PIK3C2G: variants seen among roughly 807,000 people sequenced by gnomAD.
PIK3C2G encodes phosphatidylinositol 3-kinase C2 domain-containing subunit gamma.
A neutral mutation model predicts 181.1 loss-of-function variants in PIK3C2G; 168 were observed. That is an observed-to-expected ratio of 0.93 (90% CI 0.82 to 1.05). The LOEUF (loss-of-function observed/expected upper bound fraction) is 1.05. PIK3C2G is among the 50% of genes least tolerant of loss of function. The probability of loss-of-function intolerance (pLI) is 0.00; values close to 1 mark genes in which losing one functional copy is unlikely to be tolerated. For synonymous variants in PIK3C2G, 573 were observed against 592.2 expected (o/e 0.97, Z 0.47); for missense variants, 1,869 against 1,732.8 (o/e 1.08, Z -1.40).
At chr12:18,380,117 T>A (rs1190240671) in intron 13 of PIK3C2G, among the ~76,000 whole-genome samples, 2 of 152,154 alleles carry the variant, frequency 1.3e-5, no homozygotes, top group Non-Finnish European at 1.5e-5. Flanking sequence ...ACATTATGTT[T>A]TGCTCACTGA....
At chr12:18,499,816 G>C (rs896353020) in intron 22 of PIK3C2G, among the ~76,000 whole-genome samples, 1 of 152,234 alleles carries the variant, frequency 6.6e-6, no homozygotes, top group African/African-American at 2.4e-5. Context: ...GCTACTTAAA[G>C]TGTGAACCAC....
At chr12:18,529,084 T>C (rs902146663) in intron 24 of PIK3C2G, among the ~76,000 whole-genome samples, 1 of 145,122 alleles carries the variant, frequency 6.9e-6, no homozygotes, top group African/African-American at 2.8e-5. Flanking sequence ...CATTTCTCGA[T>C]AATCCCAACA....
chr12:18,390,800 T>C (rs1276204080), intron 14 of PIK3C2G, among the ~76,000 whole-genome samples: 7 of 152,116 alleles, frequency 4.6e-5, no homozygotes, highest in Non-Finnish European at 1.0e-4. Flanking sequence ...AAGGATATAA[T>C]GTTAGCATTA....
chr12:18,284,572 T>C (rs1949362229), intron 2 of PIK3C2G, among the ~76,000 whole-genome samples: 1 of 152,124 alleles, frequency 6.6e-6, no homozygotes, highest in African/African-American at 2.4e-5. Flanking sequence ...AATTAACAGA[T>C]GGGAACTTTA....
At chr12:18,615,624 C>CT (rs915825778) in intron 31 of PIK3C2G, among the ~76,000 whole-genome samples, 23 of 151,924 alleles carry the variant, frequency 1.5e-4, no homozygotes, top group African/African-American at 5.3e-4. Flanking sequence ...GGTAGCTCTA[C>CT]TTTTTTTCTA....
chr12:18,270,790 T>A (rs1948715023), intron 1 of PIK3C2G, among the ~76,000 whole-genome samples: 1 of 152,124 alleles, frequency 6.6e-6, no homozygotes, highest in Non-Finnish European at 1.5e-5. Context: ...ACATACCAAC[T>A]CCTTCTATTA....
intron 22 of PIK3C2G, among the ~76,000 whole-genome samples, chr12:18,502,449 C>A (rs928495841): frequency 5.3e-5 from 8 of 152,310 alleles, no homozygotes; most frequent in Admixed American, 3.9e-4. Flanking sequence ...CTATGGAAAT[C>A]AGAAACTCTA....
chr12:18,702,963 G>A, the PIK3C2G span, among the ~76,000 whole-genome samples: 1 of 151,752 alleles, frequency 6.6e-6, no homozygotes, highest in African/African-American at 2.4e-5. Flanking sequence ...TGGGATTACA[G>A]GGTAACTTTA....
intron 24 of PIK3C2G, among the ~76,000 whole-genome samples, chr12:18,509,983 T>A (rs1321612170): frequency 6.6e-6 from 1 of 152,108 alleles, no homozygotes; most frequent in Non-Finnish European, 1.5e-5. Context: ...ATCTTCTTTT[T>A]TGGGGGACAT....
At chr12:18,322,883 T>TAA (rs1951172286) in intron 7 of PIK3C2G, among the ~76,000 whole-genome samples, 1 of 152,202 alleles carries the variant, frequency 6.6e-6, no homozygotes, top group Admixed American at 6.5e-5. Flanking sequence ...AAACAAGGTC[T>TAA]GTAGTTTCCT....
At chr12:18,639,244 A>C (rs1371659439) in intron 31 of PIK3C2G, among the ~76,000 whole-genome samples, 1 of 152,142 alleles carries the variant, frequency 6.6e-6, no homozygotes, top group Non-Finnish European at 1.5e-5. Flanking sequence ...AATAAAATTT[A>C]GTCCTATAAT....
chr12:18,408,328 C>T (rs1944656555), intron 16 of PIK3C2G, among the ~76,000 whole-genome samples: 1 of 152,088 alleles, frequency 6.6e-6, no homozygotes, highest in Non-Finnish European at 1.5e-5. Context: ...GGAATCCTTT[C>T]CCATTGCTTG....
chr12:18,394,253 G>A (rs1943722408), intron 15 of PIK3C2G, among the ~76,000 whole-genome samples: 1 of 151,984 alleles, frequency 6.6e-6, no homozygotes, highest in Admixed American at 6.6e-5. Context: ...ATAAAAACCA[G>A]TCTCAAAAAA....
chr12:18,436,213 T>C (rs1176849705), intron 18 of PIK3C2G, among the ~76,000 whole-genome samples: 1 of 152,064 alleles, frequency 6.6e-6, no homozygotes, highest in African/African-American at 2.4e-5. Flanking sequence ...CTCACATCCA[T>C]ACATGATTCC....
In PIK3C2G at chr12:18,551,007, A is replaced by C. The variant is rs551107535; in HGVS notation, c.3590+4575A>C. 7.2e-5 allele frequency among the ~76,000 whole-genome samples: 11 copies of C among 152,262 alleles called. No individual in the cohort carries two copies. The South Asian group carries it at 2.3e-3, about 32-fold the overall frequency. ...CCTCACTCTTGGACATATCCATTCT[A>C]GGTCAAGAGCTGATCCTAAGAGTTT... On this transcript the variant is annotated intron_variant, in intron 26 of 32. Transcript: ENST00000538779.
intron 14 of PIK3C2G, among the ~76,000 whole-genome samples, chr12:18,383,775 G>A (rs942639630): frequency 3.3e-5 from 5 of 151,470 alleles, no homozygotes; most frequent in Non-Finnish European, 5.9e-5. Context: ...CAGGAAGATC[G>A]GATATGTGAA....
In PIK3C2G at chr12:18,569,026, C is replaced by T. The variant is rs77423610; in HGVS notation, c.4011+1969C>T. Among the ~76,000 whole-genome samples the T allele has an allele frequency of 5.6e-3, 845 of 152,194 alleles. 3 individuals are homozygous for T. The highest frequency in any genetic ancestry group is 0.02 in the African/African-American group (821 of 41,516). On this transcript the variant is annotated intron_variant, in intron 29 of 32. Transcript: ENST00000538779. ...ATGTCTGAAAATGCTTTGCCACCCT[C>T]CCATCAAGAGGAGGCAGCTTGTGTC...
At chr12:18,420,458 T>A (rs1421804427) in intron 16 of PIK3C2G, among the ~76,000 whole-genome samples, 1 of 152,166 alleles carries the variant, frequency 6.6e-6, no homozygotes, top group East Asian at 1.9e-4. Flanking sequence ...AAGATTTAGC[T>A]GTATTAAATT....
At chr12:18,474,479 C>A (rs1410890056) in intron 18 of PIK3C2G, among the ~76,000 whole-genome samples, 2 of 152,076 alleles carry the variant, frequency 1.3e-5, no homozygotes, top group Non-Finnish European at 2.9e-5. Flanking sequence ...TTCCAGAATT[C>A]TTGGGAAAGA....
Sources: gnomAD v4.1 joint callset for allele counts (sites outside exome capture counted in the v4.1 genomes callset) on GRCh38, gnomAD v4.1.1 for gene constraint, MANE v1.5 for transcripts, NCBI Gene and HGNC (gene_info 2026-07-23, HGNC 2026-07-21) for gene names.